Variants in PDE1C observed in about 807,000 individuals in gnomAD.
PDE1C encodes the protein phosphodiesterase 1C, also known as dual specificity calcium/calmodulin-dependent 3',5'-cyclic nucleotide phosphodiesterase 1C.
A neutral mutation model predicts 93.1 loss-of-function variants in PDE1C; 62 were observed. The ratio of observed to expected loss-of-function variants is 0.67; its 90% CI spans 0.54 to 0.82. PDE1C has a LOEUF of 0.82. Among genes scored for constraint, PDE1C ranks in the 40% least tolerant of loss-of-function variants. The pLI, the probability that PDE1C is intolerant of heterozygous loss-of-function variation, is 0.00. For missense variants in PDE1C, 742 were observed against 884.6 expected (o/e 0.84, Z 2.04); for synonymous variants, 325 against 310.1 (o/e 1.05, Z -0.50).
At chr7:31,873,571 A>G (rs1796195901) in intron 5 of PDE1C, among the ~76,000 whole-genome samples, 163 bp from the exon 6 acceptor site, 1 of 152,230 alleles carries the variant, frequency 6.6e-6, no homozygotes, top group African/African-American at 2.4e-5. Context: ...TGGCTAGTCT[A>G]CATAGTATCT....
intron 1 of PDE1C, among the ~76,000 whole-genome samples, chr7:32,231,674 C>T (rs191155127): frequency 3.3e-5 from 5 of 152,194 alleles, no homozygotes; most frequent in Admixed American, 3.3e-4. Context: ...AAAAGGACAA[C>T]ACATGAAAGA....
chr7:31,971,658 G>A (rs930245491), intron 2 of PDE1C, among the ~76,000 whole-genome samples: 4 of 152,164 alleles, frequency 2.6e-5, no homozygotes, highest in Admixed American at 2.0e-4. Context: ...GGCATTGCCA[G>A]AGCTTCCTCA....
chr7:31,985,858 G>A (rs921937395), intron 2 of PDE1C, among the ~76,000 whole-genome samples: 5 of 152,062 alleles, frequency 3.3e-5, no homozygotes, highest in Non-Finnish European at 7.4e-5. Context: ...CTTTGCTATT[G>A]TGAATAGTGC....
intron 1 of PDE1C, among the ~76,000 whole-genome samples, chr7:32,416,791 C>T (rs1161117098): frequency 6.6e-6 from 1 of 152,150 alleles, no homozygotes; most frequent in Admixed American, 6.5e-5. Flanking sequence ...GGGGTCAAGT[C>T]TGTATGGTTA....
chr7:31,896,108 TCA>T (rs1476130299), intron 2 of PDE1C, among the ~76,000 whole-genome samples: 2 of 151,960 alleles, frequency 1.3e-5, no homozygotes, highest in East Asian at 3.9e-4. Context: ...TAAAGAAACC[TCA>T]GTTTCTCTGC....
Position 32,139,300 on chromosome 7 carries a change from C to CTTTTTT in PDE1C, c.308+30479_308+30484dup, listed in dbSNP as rs34277412. Among the ~76,000 whole-genome samples, 568 of 82,966 alleles carry CTTTTTT rather than the reference C, an allele frequency of 6.8e-3. 6 individuals carry two copies. Among genetic ancestry groups the CTTTTTT allele is most frequent in the Middle Eastern group, 0.013 (1 of 80 alleles). 54.4% of individuals were successfully genotyped at this position (82,966 alleles called of 152,430 possible). On this transcript the variant is annotated intron_variant, in intron 3 of 18. Transcript: ENST00000396193. The stretch of plus-strand genomic sequence containing the variant: ...ACAAGCAGGCAACACCAAAATCAAC[C>CTTTTTT]TTTTTTTTTTTTTTTTTTTTTTTTT...
At chr7:31,721,437 A>G in the PDE1C span, among the ~76,000 whole-genome samples, 2 of 152,208 alleles carry the variant, frequency 1.3e-5, no homozygotes, top group East Asian at 3.9e-4. Flanking sequence ...CTAAAGGTTT[A>G]ATTTATTTAA....
intron 2 of PDE1C, among the ~76,000 whole-genome samples, chr7:31,986,760 C>A (rs188901439): frequency 7.2e-5 from 11 of 152,168 alleles, no homozygotes; most frequent in Admixed American, 1.3e-4. Context: ...GTCCCACTAA[C>A]CCCCTTGATT....
At chr7:31,774,745 AG>A (rs1795717666) in intron 17 of PDE1C, among the ~76,000 whole-genome samples, 1 of 152,238 alleles carries the variant, frequency 6.6e-6, no homozygotes, top group Admixed American at 6.5e-5. Flanking sequence ...AAGTTTTAAA[AG>A]GAAGGAAACA....
At chr7:31,702,394 C>T in the PDE1C span, among the ~76,000 whole-genome samples, 1 of 152,144 alleles carries the variant, frequency 6.6e-6, no homozygotes, top group South Asian at 2.1e-4. Flanking sequence ...CTTCCCTCAT[C>T]TGTGTTTCTC....
At chr7:32,209,454 G>A in intron 2 of PDE1C, 3 of 1,531,604 alleles carry the variant, frequency 2.0e-6, no homozygotes, top group Middle Eastern at 1.7e-4. Flanking sequence ...TTTTCTGATG[G>A]AGACCAGGAA....
At chr7:31,885,227 A>AAAT (rs1056958224) in intron 2 of PDE1C, among the ~76,000 whole-genome samples, 2 of 152,230 alleles carry the variant, frequency 1.3e-5, no homozygotes, top group African/African-American at 4.8e-5. Context: ...GAAAATATAC[A>AAAT]AATAATAATA....
intron 2 of PDE1C, among the ~76,000 whole-genome samples, chr7:31,906,663 C>T (rs1031103816): frequency 1.3e-4 from 20 of 152,230 alleles, no homozygotes; most frequent in African/African-American, 4.8e-4. Flanking sequence ...TTCACTCATG[C>T]AGCAGTGAGC....
At chr7:32,066,433 T>C (rs1795416371) in intron 1 of PDE1C, among the ~76,000 whole-genome samples, 1 of 152,186 alleles carries the variant, frequency 6.6e-6, no homozygotes, top group Non-Finnish European at 1.5e-5. Flanking sequence ...AAATTTATTA[T>C]ACCAACTACC....
At chr7:31,705,576 G>A in the PDE1C span, among the ~76,000 whole-genome samples, 4 of 152,210 alleles carry the variant, frequency 2.6e-5, no homozygotes, top group Non-Finnish European at 5.9e-5. Flanking sequence ...AAGAACCCAT[G>A]TGAACAAACT....
chr7:32,132,506 G>GA (rs921074141), intron 3 of PDE1C, among the ~76,000 whole-genome samples: 112 of 149,288 alleles, frequency 7.5e-4, no homozygotes, highest in Middle Eastern at 3.5e-3. Context: ...CAAAAAAATA[G>GA]AAAAAAAAAA....
chr7:31,757,456 G>C (rs543625186), intron 17 of PDE1C, among the ~76,000 whole-genome samples: 3 of 152,120 alleles, frequency 2.0e-5, no homozygotes, highest in African/African-American at 7.2e-5. Context: ...TCACACCTGA[G>C]AGAAAATCAG....
At chr7:32,407,212 T>C (rs531883824) in intron 1 of PDE1C, among the ~76,000 whole-genome samples, 10 of 152,144 alleles carry the variant, frequency 6.6e-5, no homozygotes, top group Admixed American at 5.2e-4. Context: ...GAAGCAGAGG[T>C]TGCAGTGAGC....
intron 2 of PDE1C, among the ~76,000 whole-genome samples, chr7:31,973,748 G>A (rs2129051523): frequency 6.6e-6 from 1 of 152,258 alleles, no homozygotes; most frequent in Non-Finnish European, 1.5e-5. Context: ...GTAAGTGACA[G>A]AACCCAGAAT....
Sources: allele counts gnomAD v4.1 joint callset (sites outside exome capture counted in the v4.1 genomes callset), GRCh38; gene constraint gnomAD v4.1.1; transcripts MANE v1.5; gene names NCBI Gene and HGNC (gene_info 2026-07-23, HGNC 2026-07-21).